Variants in TMEM196 observed in about 807,000 individuals in gnomAD.
The protein encoded by TMEM196 is transmembrane protein 196.
TMEM196 carries 17 observed loss-of-function variants against 20.0 expected under a neutral mutation model. That is an observed-to-expected ratio of 0.85 (90% CI 0.58 to 1.27). The LOEUF (loss-of-function observed/expected upper bound fraction) is 1.27, where lower values mean the gene tolerates loss of function less well. Ranked by LOEUF, TMEM196 falls within the 50% of genes most tolerant of loss-of-function variation. The pLI is 0.00. For missense variants in TMEM196, 267 were observed against 223.0 expected, an observed-to-expected ratio of 1.20 and a Z score of -1.26; for synonymous variants, 113 against 88.9, an observed-to-expected ratio of 1.27 and a Z score of -1.52.
At chr7:19,735,060 A>C (rs1158703760) in intron 1 of TMEM196, among the ~76,000 whole-genome samples, 1 of 152,326 alleles carries the variant, frequency 6.6e-6, no homozygotes, top group Admixed American at 6.5e-5. Flanking sequence ...GGGAGTACAG[A>C]TGATGTAAGT....
intron 4 of TMEM196, 123 bp from the exon 5 acceptor site, chr7:19,722,257 CA>C: frequency 1.4e-6 from 1 of 740,690 alleles, no homozygotes; most frequent in Non-Finnish European, 2.2e-6. Context: ...TGGGGAAAGA[CA>C]AGGATATTGC....
chr7:19,769,804 G>A, intron 1 of TMEM196, among the ~76,000 whole-genome samples: 1 of 152,168 alleles, frequency 6.6e-6, no homozygotes, highest in South Asian at 2.1e-4. Flanking sequence ...ATCTAGAGAT[G>A]ATGTAAGGTA....
chr7:19,747,453 A>G (rs1279343952), intron 1 of TMEM196, among the ~76,000 whole-genome samples: 1 of 152,204 alleles, frequency 6.6e-6, no homozygotes, highest in Non-Finnish European at 1.5e-5. Context: ...TACAATAATA[A>G]AAAGGAATGG....
intron 4 of TMEM196, among the ~76,000 whole-genome samples, 160 bp downstream of exon 4, chr7:19,724,120 T>C (rs1783905362): frequency 6.6e-6 from 1 of 152,298 alleles, no homozygotes; most frequent in Admixed American, 6.5e-5. Flanking sequence ...TGTAGGTTTA[T>C]GTCAGCTCTG....
chr7:19,770,651 A>G (rs552759385), intron 1 of TMEM196, among the ~76,000 whole-genome samples: 77 of 152,274 alleles, frequency 5.1e-4, no homozygotes, highest in African/African-American at 1.8e-3. Flanking sequence ...TAGAAACCCA[A>G]ATGAATTTTG....
intron 1 of TMEM196, among the ~76,000 whole-genome samples, chr7:19,748,262 C>CAAA (rs1784832442): frequency 3.6e-5 from 1 of 27,528 alleles, no homozygotes; most frequent in Non-Finnish European, 5.2e-5. Flanking sequence ...CTGTGGCTGT[C>CAAA]CAAAAAAAAA....
intron 1 of TMEM196, among the ~76,000 whole-genome samples, chr7:19,741,800 T>C (rs1359055935): frequency 2.6e-5 from 4 of 152,118 alleles, no homozygotes; most frequent in Admixed American, 6.6e-5. Context: ...AGACAGAAAA[T>C]GATTTGCAAA....
At chr7:19,770,045 A>G (rs539638773) in intron 1 of TMEM196, among the ~76,000 whole-genome samples, 20 of 152,282 alleles carry the variant, frequency 1.3e-4, no homozygotes, top group South Asian at 6.2e-4. Context: ...ACCAGGTAGT[A>G]TGGCTTCAGA....
intron 1 of TMEM196, among the ~76,000 whole-genome samples, chr7:19,752,625 C>CT (rs967004559): frequency 4.6e-5 from 7 of 150,598 alleles, no homozygotes; most frequent in Admixed American, 1.3e-4. Context: ...TTCTTTCTTT[C>CT]TTTTTTTGAG....
chr7:19,747,421 G>A (rs2128028183), intron 1 of TMEM196, among the ~76,000 whole-genome samples: 1 of 152,262 alleles, frequency 6.6e-6, no homozygotes, highest in South Asian at 2.1e-4. Flanking sequence ...TAGGTTTAGG[G>A]AAGAGGAACA....
intron 1 of TMEM196, among the ~76,000 whole-genome samples, chr7:19,771,279 T>C (rs969821487): frequency 3.3e-5 from 5 of 152,156 alleles, no homozygotes; most frequent in African/African-American, 1.2e-4. Context: ...TGATAGTAAC[T>C]TATTATTGAA....
At chr7:19,728,266 A>G (rs1162115969) in intron 2 of TMEM196, among the ~76,000 whole-genome samples, 1 of 151,120 alleles carries the variant, frequency 6.6e-6, no homozygotes, top group African/African-American at 2.4e-5. Flanking sequence ...GCTTTCTCCC[A>G]AGGAGTTGTT....
chr7:19,752,226 G>T (rs1583447147), intron 1 of TMEM196, among the ~76,000 whole-genome samples: 1 of 152,282 alleles, frequency 6.6e-6, no homozygotes, highest in South Asian at 2.1e-4. Context: ...AGCAGTTAAT[G>T]AAAGAGATCT....
At chr7:19,725,969 C>A (rs552773814) in intron 2 of TMEM196, among the ~76,000 whole-genome samples, 8 of 152,140 alleles carry the variant, frequency 5.3e-5, no homozygotes, top group Admixed American at 1.3e-4. Flanking sequence ...TCACAGTAGA[C>A]AGAGGGAGTA....
At chr7:19,724,113 AG>A (rs1783905162) in intron 4 of TMEM196, among the ~76,000 whole-genome samples, 166 bp downstream of exon 4, 1 of 152,182 alleles carries the variant, frequency 6.6e-6, no homozygotes, top group African/African-American at 2.4e-5. Flanking sequence ...TCGGCCATGT[AG>A]GTTTATGTCA....
rs538239253 is a variant in TMEM196 at position 19,721,731 on chromosome 7, A to G, written c.*397T>C. The G allele has an allele frequency of 5.7e-6, 1 of 175,560 alleles. No homozygotes were observed. The highest frequency in any genetic ancestry group is 2.4e-5 in the African/African-American group (1 of 42,236). The allele number at this position is 175,560 out of a possible 1,614,324, so 10.9% of individuals were successfully genotyped here. On this transcript the variant is annotated 3_prime_UTR_variant, in exon 5 of 5. Coordinates refer to ENST00000405844, the MANE Select transcript of TMEM196 (RefSeq NM_001363562.2). ...ATATTTGCACTTTTCAATTACTCAT[A>G]TGAAATATGTCATTACAAATATAAT...
chr7:19,740,842 A>G (rs540916126), intron 1 of TMEM196, among the ~76,000 whole-genome samples: 13 of 152,184 alleles, frequency 8.5e-5, no homozygotes, highest in Non-Finnish European at 1.6e-4. Context: ...GTAGTTTATA[A>G]GAATTGAGTA....
chr7:19,748,349 A>T (rs1020077509), intron 1 of TMEM196, among the ~76,000 whole-genome samples: 2 of 151,738 alleles, frequency 1.3e-5, no homozygotes, highest in Admixed American at 1.3e-4. Flanking sequence ...ATTAGAAGAG[A>T]CATTATAATC....
intron 1 of TMEM196, among the ~76,000 whole-genome samples, chr7:19,750,273 T>C (rs187156055): frequency 6.6e-6 from 1 of 152,320 alleles, no homozygotes; most frequent in East Asian, 1.9e-4. Context: ...GATGGATATC[T>C]TACTTAGTTT....
Sources: allele counts gnomAD v4.1 joint callset (sites outside exome capture counted in the v4.1 genomes callset), GRCh38; gene constraint gnomAD v4.1.1; transcripts MANE v1.5; gene names NCBI Gene and HGNC (gene_info 2026-07-23, HGNC 2026-07-21).